Variants in TMEM132C observed in about 807,000 individuals in gnomAD.
TMEM132C encodes the protein transmembrane protein 132C, also known as protein phosphatase 1, regulatory subunit 152.
TMEM132C carries 29 observed loss-of-function variants against 61.4 expected under a neutral mutation model. The observed-to-expected ratio is 0.47, with a 90% CI of 0.35 to 0.64. The LOEUF is 0.64. Among genes scored for constraint, TMEM132C ranks in the 30% least tolerant of loss-of-function variants. TMEM132C has a pLI of 0.00. For synonymous variants in TMEM132C, 656 were observed against 633.1 expected (o/e 1.04, Z -0.54); for missense variants, 1,408 against 1,476.9 (o/e 0.95, Z 0.76).
intron 2 of TMEM132C, among the ~76,000 whole-genome samples, chr12:128,490,128 A>G (rs1871664590): frequency 6.6e-6 from 1 of 152,136 alleles, no homozygotes. Flanking sequence ...AAGGGAGGTG[A>G]TTGGGGGAAG....
chr12:128,404,293 C>T (rs748786579), intron 1 of TMEM132C, among the ~76,000 whole-genome samples: 5 of 152,160 alleles, frequency 3.3e-5, no homozygotes, highest in Non-Finnish European at 7.3e-5. Flanking sequence ...TGTGGGCATC[C>T]ACTGCCTACC....
At chr12:128,478,428 G>A (rs948539861) in intron 2 of TMEM132C, among the ~76,000 whole-genome samples, 1 of 152,148 alleles carries the variant, frequency 6.6e-6, no homozygotes, top group African/African-American at 2.4e-5. Flanking sequence ...TGGAAGTCAG[G>A]GTGGCCTCCT....
intron 5 of TMEM132C, among the ~76,000 whole-genome samples, chr12:128,677,366 G>A (rs1210820616): frequency 6.6e-6 from 1 of 152,138 alleles, no homozygotes; most frequent in Non-Finnish European, 1.5e-5. Context: ...CTGCCCTCAA[G>A]GAAGCAGCAT....
intron 1 of TMEM132C, among the ~76,000 whole-genome samples, chr12:128,315,700 G>A (rs928414048): frequency 1.3e-5 from 2 of 152,106 alleles, no homozygotes; most frequent in African/African-American, 4.8e-5. Context: ...CAGGGTCATT[G>A]CAGATGTAGT....
intron 4 of TMEM132C, among the ~76,000 whole-genome samples, chr12:128,639,695 A>G (rs992535557): frequency 6.6e-6 from 1 of 152,196 alleles, no homozygotes; most frequent in South Asian, 2.1e-4. Context: ...GCGGTCTTCC[A>G]GTAGGCTGAC....
chr12:128,351,617 A>C (rs1249859638), intron 1 of TMEM132C, among the ~76,000 whole-genome samples: 1 of 152,014 alleles, frequency 6.6e-6, no homozygotes, highest in Non-Finnish European at 1.5e-5. Flanking sequence ...GCTTCCACTC[A>C]TGGTGGAAAG....
At position 128,653,759 on chromosome 12, in the gene TMEM132C, A is replaced by G. The variant is rs150872595; in HGVS notation, c.1306-15658A>G. Reference sequence around the variant, plus strand: ...GCACCTGGTACTTGAAAAGAGCTCAAAATCATGGTGAGGTGCGAGGTGGCC... The same window carrying G: ...GCACCTGGTACTTGAAAAGAGCTCAGAATCATGGTGAGGTGCGAGGTGGCC... On this transcript the variant is annotated intron_variant, in intron 4 of 8. Transcript: ENST00000435159. Among the ~76,000 whole-genome samples the G allele has an allele frequency of 5.3e-5, 8 of 152,320 alleles. No homozygotes were observed. In the East Asian group the frequency reaches 1.4e-3, roughly 26 times the overall value.
At chr12:128,463,004 G>C (rs375465087) in intron 2 of TMEM132C, among the ~76,000 whole-genome samples, 25 of 152,266 alleles carry the variant, frequency 1.6e-4, no homozygotes, top group East Asian at 5.8e-4. Context: ...TGCACTTGGT[G>C]TCTGGCTCGT....
At chr12:128,528,042 A>G (rs981048974) in intron 2 of TMEM132C, among the ~76,000 whole-genome samples, 9 of 152,234 alleles carry the variant, frequency 5.9e-5, no homozygotes, top group African/African-American at 2.2e-4. Context: ...CCTGGCTGAT[A>G]CTGGCAATAT....
At chr12:128,592,682 G>A (rs965916047) in intron 3 of TMEM132C, among the ~76,000 whole-genome samples, 10 of 152,224 alleles carry the variant, frequency 6.6e-5, no homozygotes, top group Admixed American at 2.0e-4. Context: ...GAACAGCCAC[G>A]GAGGGGACAC....
chr12:128,517,757 C>T (rs1222945625), intron 2 of TMEM132C, among the ~76,000 whole-genome samples: 1 of 152,112 alleles, frequency 6.6e-6, no homozygotes, highest in Admixed American at 6.6e-5. Flanking sequence ...ACCCAGCAGC[C>T]ATGTCCTGTC....
chr12:128,668,926 T>A (rs924206060), intron 4 of TMEM132C, among the ~76,000 whole-genome samples: 2 of 152,234 alleles, frequency 1.3e-5, no homozygotes, highest in Non-Finnish European at 1.5e-5. Context: ...AGGATAATTC[T>A]TCCATCTTAA....
At chr12:128,547,565 C>CAAAA (rs34135152) in intron 3 of TMEM132C, among the ~76,000 whole-genome samples, 3 of 67,602 alleles carry the variant, frequency 4.4e-5, no homozygotes, top group Non-Finnish European at 1.0e-4. Context: ...CTCTGTCTCA[C>CAAAA]AAAAAAAAAA....
chr12:128,506,631 T>C (rs758968451), intron 2 of TMEM132C, among the ~76,000 whole-genome samples: 1 of 152,194 alleles, frequency 6.6e-6, no homozygotes, highest in Non-Finnish European at 1.5e-5. Flanking sequence ...TGCCTTAACC[T>C]GCCTGGCTTC....
intron 1 of TMEM132C, among the ~76,000 whole-genome samples, chr12:128,340,331 T>C (rs1251677193): frequency 6.6e-6 from 1 of 152,162 alleles, no homozygotes; most frequent in Non-Finnish European, 1.5e-5. Flanking sequence ...TTGAATACTC[T>C]ATCGGTGCTT....
At chr12:128,555,511 C>T (rs776656349) in intron 3 of TMEM132C, among the ~76,000 whole-genome samples, 8 of 152,188 alleles carry the variant, frequency 5.3e-5, no homozygotes, top group East Asian at 1.9e-4. Context: ...ACTCCACACA[C>T]GCAAAACTTA....
Position 128,639,708 on chromosome 12 carries a change from A to G in TMEM132C, c.1305+23373A>G, listed in dbSNP as rs1427267501. ...CTGCGGTCTTCCAGTAGGCTGACCA[A>G]CCATCCCTGTTCACCTGAAACTGAG... On this transcript the variant is annotated intron_variant, in intron 4 of 8. Transcript: ENST00000435159. Among the ~76,000 whole-genome samples the G allele has an allele frequency of 1.8e-4, 28 of 152,174 alleles. 1 individual carries two copies. Among genetic ancestry groups the G allele is most frequent in the Admixed American group, 1.8e-3 (27 of 15,280 alleles).
chr12:128,604,894 A>G (rs886131749), intron 3 of TMEM132C, among the ~76,000 whole-genome samples: 1 of 152,072 alleles, frequency 6.6e-6, no homozygotes, highest in East Asian at 1.9e-4. Context: ...TAGATGATGG[A>G]TGGATGGATG....
At chr12:128,467,241 T>G (rs974374891) in intron 2 of TMEM132C, among the ~76,000 whole-genome samples, 1 of 152,182 alleles carries the variant, frequency 6.6e-6, no homozygotes, top group Non-Finnish European at 1.5e-5. Flanking sequence ...CTGCTTTGTT[T>G]AGGAAATTAA....
Sources: allele counts gnomAD v4.1 joint callset (sites outside exome capture counted in the v4.1 genomes callset), GRCh38; gene constraint gnomAD v4.1.1; transcripts MANE v1.5; gene names NCBI Gene and HGNC (gene_info 2026-07-23, HGNC 2026-07-21).